The following KCNH1 variants were observed in gnomAD, a reference collection of about 807,000 sequenced individuals.
KCNH1 encodes the protein voltage-gated delayed rectifier potassium channel KCNH1.
Under a neutral mutation model 69.2 loss-of-function variants are expected in KCNH1, and 27 were observed. The observed-to-expected ratio is 0.39, with a 90% CI of 0.29 to 0.54. The LOEUF is 0.54. KCNH1 is among the 20% of genes least tolerant of loss of function. The pLI is 0.68. For missense variants in KCNH1, 798 were observed against 1,261.6 expected, an observed-to-expected ratio of 0.63 and a Z score of 5.57; for synonymous variants, 456 against 487.7, an observed-to-expected ratio of 0.93 and a Z score of 0.86.
At chr1:211,026,420 C>T (rs920519142) in intron 5 of KCNH1, among the ~76,000 whole-genome samples, 15 of 149,274 alleles carry the variant, frequency 1.0e-4, no homozygotes, top group Admixed American at 3.3e-4. Flanking sequence ...AAAGCCTATT[C>T]TTTCCAGCCA....
At chr1:210,840,099 T>C (rs1459248684) in intron 7 of KCNH1, among the ~76,000 whole-genome samples, 1 of 152,190 alleles carries the variant, frequency 6.6e-6, no homozygotes, top group African/African-American at 2.4e-5. Flanking sequence ...TCTCAGTCTA[T>C]GACAACAGAG....
chr1:211,124,632 G>A (rs201946126), intron 1 of KCNH1, among the ~76,000 whole-genome samples: 4 of 151,490 alleles, frequency 2.6e-5, no homozygotes, highest in Admixed American at 6.5e-5. Context: ...GAAAGAAAGA[G>A]AGAGAGAGAG....
chr1:210,825,860 A>T (rs1371700836), intron 7 of KCNH1, among the ~76,000 whole-genome samples: 1 of 152,190 alleles, frequency 6.6e-6, no homozygotes, highest in East Asian at 1.9e-4. Context: ...AGGAACTGGT[A>T]TTTCACTTGT....
chr1:210,726,817 G>C lies in KCNH1; in HGVS notation c.2113-42679C>G, dbSNP rs573460466. Among the ~76,000 whole-genome samples, 406 of 131,082 alleles carry C rather than the reference G, an allele frequency of 3.1e-3. 2 individuals are homozygous for C. Among genetic ancestry groups the C allele is most frequent in the African/African-American group, 0.012 (393 of 32,338 alleles). The allele number at this position is 131,082 out of a possible 152,430, so 86.0% of individuals were successfully genotyped here. Reference sequence around the variant, plus strand: ...CCATGGACAGTTCCCCGGCGGGGGTGGGGTGGACTACTCTCCTCTATTCAT... The same window carrying C: ...CCATGGACAGTTCCCCGGCGGGGGTCGGGTGGACTACTCTCCTCTATTCAT... On this transcript the variant is annotated intron_variant, in intron 10 of 10. Transcript: ENST00000271751.
intron 5 of KCNH1, among the ~76,000 whole-genome samples, chr1:211,043,281 G>C (rs1690033894): frequency 6.6e-6 from 1 of 152,082 alleles, no homozygotes; most frequent in Admixed American, 6.6e-5. Context: ...TGTTACAACT[G>C]ACACCACTGA....
chr1:210,719,812 T>G (rs1218523075), intron 10 of KCNH1, among the ~76,000 whole-genome samples: 2 of 152,232 alleles, frequency 1.3e-5, no homozygotes, highest in Non-Finnish European at 2.9e-5. Context: ...TGGTGAACAT[T>G]GATTGCTTCA....
rs569107628 is a variant in KCNH1 at position 210,972,193 on chromosome 1, A to C, written c.1032+46590T>G. ...AATTATAATATCATATATTTGAATC[A>C]TGCTTTATGAGTTACAAAGCATTTT... On this transcript the variant is annotated intron_variant, in intron 6 of 10. Transcript: ENST00000271751. 3.9e-5 allele frequency among the ~76,000 whole-genome samples: 6 copies of C among 152,264 alleles called. No homozygotes were observed. In the South Asian group the frequency reaches 1.2e-3, roughly 32 times the overall value.
intron 5 of KCNH1, among the ~76,000 whole-genome samples, chr1:211,056,944 A>G (rs1363205513): frequency 6.6e-6 from 1 of 152,170 alleles, no homozygotes; most frequent in African/African-American, 2.4e-5. Flanking sequence ...AAACTGCAAT[A>G]CCAAACTCTT....
At chr1:210,832,928 A>ATATATATAT (rs1269090752) in intron 7 of KCNH1, among the ~76,000 whole-genome samples, 1 of 149,180 alleles carries the variant, frequency 6.7e-6, no homozygotes, top group African/African-American at 2.4e-5. Flanking sequence ...ATATACATAT[A>ATATATATAT]AATTGAATTT....
chr1:210,725,739 T>C (rs1239135405), intron 10 of KCNH1, among the ~76,000 whole-genome samples: 5 of 152,156 alleles, frequency 3.3e-5, no homozygotes, highest in Non-Finnish European at 7.4e-5. Flanking sequence ...CCCTTCTCCT[T>C]CCCAGTCCCC....
At chr1:210,989,949 T>C (rs899881975) in intron 6 of KCNH1, among the ~76,000 whole-genome samples, 7 of 152,242 alleles carry the variant, frequency 4.6e-5, no homozygotes, top group Admixed American at 2.0e-4. Flanking sequence ...TTCTGTGTGA[T>C]TGCAGAAAAG....
chr1:210,861,959 G>T, intron 7 of KCNH1: 1 of 759,476 alleles, frequency 1.3e-6, no homozygotes, highest in Non-Finnish European at 2.4e-6. Flanking sequence ...CATGTAGTAA[G>T]CTGTACCCTG....
At chr1:210,969,712 T>G (rs2047708) in intron 6 of KCNH1, among the ~76,000 whole-genome samples, 8,720 of 152,246 alleles carry the variant, frequency 0.057, 379 homozygotes, top group African/African-American at 0.12. Flanking sequence ...CTTTTGATAT[T>G]GCTAATCTTG....
At chr1:210,984,898 T>G (rs1688798218) in intron 6 of KCNH1, among the ~76,000 whole-genome samples, 1 of 152,242 alleles carries the variant, frequency 6.6e-6, no homozygotes, top group South Asian at 2.1e-4. Context: ...AATTCAGCTG[T>G]GAACCCATCT....
intron 10 of KCNH1, among the ~76,000 whole-genome samples, chr1:210,685,745 C>A (rs1360196989): frequency 2.6e-5 from 4 of 152,204 alleles, no homozygotes; most frequent in African/African-American, 9.6e-5. Flanking sequence ...AAGCAACTCA[C>A]CCTACCTCCT....
chr1:210,857,417 T>G (rs1234868404), intron 7 of KCNH1, among the ~76,000 whole-genome samples: 1 of 152,006 alleles, frequency 6.6e-6, no homozygotes, highest in Non-Finnish European at 1.5e-5. Flanking sequence ...AGACAGGTCT[T>G]ATTCTGTTTC....
At chr1:211,058,070 A>G (rs1015761692) in intron 5 of KCNH1, among the ~76,000 whole-genome samples, 3 of 152,194 alleles carry the variant, frequency 2.0e-5, no homozygotes, top group African/African-American at 7.2e-5. Flanking sequence ...TACTTAAAAT[A>G]GAGAAGGAAA....
intron 7 of KCNH1, among the ~76,000 whole-genome samples, chr1:210,811,198 C>T (rs1199734027): frequency 6.6e-6 from 1 of 152,148 alleles, no homozygotes; most frequent in African/African-American, 2.4e-5. Flanking sequence ...AAAGAATAAA[C>T]CAGGTTTCAT....
rs754794236 is a variant in KCNH1 at position 210,775,440 on chromosome 1, G to A, written c.2020C>T (p.Arg674Trp). 6 of 1,614,070 alleles carry A rather than the reference G, an allele frequency of 3.7e-6. No homozygotes were observed. The highest frequency in any genetic ancestry group is 1.7e-5 in the Admixed American group (1 of 60,022). Residue 674 changes from arginine (R) to tryptophan (W), a missense_variant, in exon 10 of 11, where the codon CGG becomes TGG. This residue lies in a region of KCNH1 where 197 missense variants were observed against 407.7 expected (regional missense o/e 0.48). Coordinates refer to ENST00000271751, the MANE Select transcript of KCNH1 (RefSeq NM_172362.3). ...TCCAGCACTTTCTGCAGGGCATCCC[G>A]CTTGATCACATGCAGATCACAGTAG... ...LTYCDLHVIK[R>W]DALQKVLEFY...
Sources: allele counts gnomAD v4.1 joint callset (sites outside exome capture counted in the v4.1 genomes callset), GRCh38; gene constraint gnomAD v4.1.1; regional missense constraint gnomAD v4.1.1; transcripts MANE v1.5; gene names NCBI Gene and HGNC (gene_info 2026-07-23, HGNC 2026-07-21).